Variants in STMN1 observed in about 807,000 individuals in gnomAD.
STMN1 encodes stathmin 1.
Under a neutral mutation model 19.7 loss-of-function variants are expected in STMN1, and 3 were observed. The ratio of observed to expected loss-of-function variants is 0.15; its 90% CI spans 0.07 to 0.39. The LOEUF (loss-of-function observed/expected upper bound fraction) is 0.39. Among genes scored for constraint, STMN1 ranks in the 10% least tolerant of loss-of-function variants. The pLI is 1.00. For missense variants in STMN1, 99 were observed against 176.0 expected (o/e 0.56, Z 2.48); for synonymous variants, 59 against 58.9 (o/e 1.00, Z -0.01).
intron 4 of STMN1, among the ~76,000 whole-genome samples, chr1:25,888,068 C>T (rs1374345637): frequency 6.6e-6 from 1 of 151,988 alleles, no homozygotes; most frequent in Admixed American, 6.6e-5. Flanking sequence ...GTCAGAAAGC[C>T]CTGGGTTTAA....
At chr1:25,904,974 A>G (rs2048920873) in intron 1 of STMN1, 1 of 360,232 alleles carries the variant, frequency 2.8e-6, no homozygotes, top group Non-Finnish European at 5.0e-6. Context: ...CGGTCATAAA[A>G]CTCTTGGATT....
At chr1:25,898,694 C>T (rs2048841774), downstream of STMN1, among the ~76,000 whole-genome samples, 1 of 152,244 alleles carries the variant, frequency 6.6e-6, no homozygotes, top group East Asian at 1.9e-4. Context: ...ATGGAGTCTG[C>T]TCCTTGGTGA....
chr1:25,897,721 G>A (rs1267681402), downstream of STMN1, among the ~76,000 whole-genome samples: 1 of 152,192 alleles, frequency 6.6e-6, no homozygotes, highest in African/African-American at 2.4e-5. Context: ...TTCCTGTGCA[G>A]GGCTTAGAGC....
intron 4 of STMN1, among the ~76,000 whole-genome samples, chr1:25,888,204 AC>A (rs2048741512): frequency 6.6e-6 from 1 of 152,184 alleles, no homozygotes; most frequent in Non-Finnish European, 1.5e-5. Flanking sequence ...CCTAGAAAAC[AC>A]TGAAGAAACA....
downstream of STMN1, among the ~76,000 whole-genome samples, chr1:25,896,283 ATAAT>A (rs1201962872): frequency 1.3e-5 from 2 of 152,186 alleles, no homozygotes; most frequent in Non-Finnish European, 2.9e-5. Flanking sequence ...GACAATGCAA[ATAAT>A]TATTAGTTGC....
At chr1:25,904,142 A>C (rs774696655) in intron 2 of STMN1, among the ~76,000 whole-genome samples, 3 of 152,030 alleles carry the variant, frequency 2.0e-5, no homozygotes, top group Non-Finnish European at 2.9e-5. Flanking sequence ...GGGAAAGCCC[A>C]TCTCTACAAA....
At chr1:25,889,478 A>AC (rs945590029) in intron 4 of STMN1, among the ~76,000 whole-genome samples, 11 of 142,292 alleles carry the variant, frequency 7.7e-5, no homozygotes, top group Admixed American at 7.1e-4. Flanking sequence ...AGTAGATGGC[A>AC]CCCCCCTTCA....
At chr1:25,904,597 C>T in intron 2 of STMN1, 67 bp downstream of exon 2, 1 of 1,463,384 alleles carries the variant, frequency 6.8e-7, no homozygotes, top group Non-Finnish European at 9.6e-7. Context: ...AAGGCGAAGA[C>T]CTGAGCCATC....
chr1:25,894,014 A>G lies in STMN1; in HGVS notation c.378+7477T>C, dbSNP rs192717745. ...ACTTGACCCAAGCATTATCTCCTAC[A>G]GGAATTCATCCTGGGCCTGCATCCT... On this transcript the variant is annotated intron_variant, in intron 4 of 4. Transcript: ENST00000426559. Among the ~76,000 whole-genome samples, 252 of 152,328 alleles carry G rather than the reference A, an allele frequency of 1.7e-3. 3 individuals carry two copies. Among genetic ancestry groups the G allele is most frequent in the African/African-American group, 5.5e-3 (230 of 41,574 alleles).
At chr1:25,886,087 G>A (rs1217866541) in intron 4 of STMN1, among the ~76,000 whole-genome samples, 1 of 152,154 alleles carries the variant, frequency 6.6e-6, no homozygotes, top group South Asian at 2.1e-4. Flanking sequence ...GATTTTTAAC[G>A]AGTAGGAAAG....
chr1:25,884,396 C>G (rs2048705026), downstream of STMN1: 1 of 151,912 alleles, frequency 6.6e-6, no homozygotes, highest in African/African-American at 2.4e-5. Context: ...CATTTCACAG[C>G]TAGAGAAACG....
At chr1:25,905,424 G>A (rs1463227586) in intron 1 of STMN1, 1 of 152,248 alleles carries the variant, frequency 6.6e-6, no homozygotes, top group Non-Finnish European at 1.5e-5. Context: ...TAAAATCAGA[G>A]GCAGCGACAA....
chr1:25,892,398 T>C (rs577298086), intron 4 of STMN1: 163 of 368,798 alleles, frequency 4.4e-4, no homozygotes, highest in African/African-American at 3.4e-3. Flanking sequence ...TTTTTTTTTT[T>C]TTTTAAATAA....
chr1:25,898,829 G>A (rs1026018405), downstream of STMN1, among the ~76,000 whole-genome samples: 3 of 152,180 alleles, frequency 2.0e-5, no homozygotes, highest in Non-Finnish European at 2.9e-5. Flanking sequence ...TGCCGGGCCC[G>A]GGAATGCATA....
At position 25,900,706 on chromosome 1, in the gene STMN1, AT is replaced by A. The variant is rs2048862032; in HGVS notation, c.*309del. Reference sequence around the variant, plus strand: ...GCCACTACATACTCTTTTCACAAATATGTTTTCACAGAGCCAATACAGTACT... The same window carrying A: ...GCCACTACATACTCTTTTCACAAATAGTTTTCACAGAGCCAATACAGTACT... On this transcript the variant is annotated 3_prime_UTR_variant, in exon 5 of 5. Coordinates refer to ENST00000455785, the MANE Select transcript of STMN1 (RefSeq NM_005563.4). 4 of 1,098,830 alleles carry A rather than the reference AT, an allele frequency of 3.6e-6. No homozygotes were observed. The Admixed American group carries it at 1.9e-4, about 53-fold the overall frequency. 68.1% of individuals were successfully genotyped at this position (1,098,830 alleles called of 1,614,324 possible).
chr1:25,904,646 T>C lies in STMN1; in HGVS notation c.13+18A>G. The C allele has an allele frequency of 6.2e-7, 1 of 1,611,814 alleles. No homozygotes were observed. The highest frequency in any genetic ancestry group is 2.2e-5 in the East Asian group (1 of 44,858). On this transcript the variant is annotated intron_variant, in intron 2 of 4. Coordinates refer to ENST00000455785, the MANE Select transcript of STMN1 (RefSeq NM_005563.4). ...ATAAGCCCATTACAATTTCAGATTT[T>C]CCAAATAGATTACCTACCAGAAGAA... is the stretch of plus-strand genomic sequence containing the variant.
In STMN1 at chr1:25,894,702, G is replaced by A. The variant is rs111880745; in HGVS notation, c.378+6789C>T. On this transcript the variant is annotated intron_variant, in intron 4 of 4. Coordinates refer to the STMN1 transcript ENST00000426559. ...GTCTGAAAAAAATTCTAGACACTGG[G>A]GCTCCAATTTTATTTTTTTATTTAC... 1.6e-3 allele frequency among the ~76,000 whole-genome samples: 238 copies of A among 152,054 alleles called. 1 individual carries two copies. Among genetic ancestry groups the A allele is most frequent in the African/African-American group, 5.4e-3 (225 of 41,502 alleles).
At position 25,906,227 on chromosome 1, in the gene STMN1, A is replaced by G. The variant is rs1013792289; in HGVS notation, c.-63+162T>C. The G allele has an allele frequency of 6.6e-6, 1 of 151,606 alleles. No homozygotes were observed. The highest frequency in any genetic ancestry group is 2.4e-5 in the African/African-American group (1 of 41,186). 9.4% of individuals were successfully genotyped at this position (151,606 alleles called of 1,614,324 possible). On this transcript the variant is annotated intron_variant, in intron 1 of 4. Transcript: ENST00000455785. The surrounding 1 kb of genome is among the most constrained non-coding windows in gnomAD (Gnocchi z 4.5). ...AAAGGCGAGGCTCCGCCCGAGCCACACACAAAGCGGAGCGACCCCCGCCCA... is the reference window on the plus strand; with the variant it reads ...AAAGGCGAGGCTCCGCCCGAGCCACGCACAAAGCGGAGCGACCCCCGCCCA...
chr1:25,892,876 A>G (rs993270727), intron 4 of STMN1, among the ~76,000 whole-genome samples: 1 of 152,220 alleles, frequency 6.6e-6, no homozygotes, highest in African/African-American at 2.4e-5. Flanking sequence ...AAGCCAAGCA[A>G]TGGACTCAAT....
Sources: gnomAD v4.1 joint callset for allele counts (sites outside exome capture counted in the v4.1 genomes callset) on GRCh38, gnomAD v4.1.1 for gene constraint, Gnocchi (gnomAD v3.1) non-coding constraint, MANE v1.5 for transcripts, NCBI Gene and HGNC (gene_info 2026-07-23, HGNC 2026-07-21) for gene names.